The following PRR5 variants were observed in gnomAD, a reference collection of about 807,000 sequenced individuals.
The protein encoded by PRR5 is proline rich 5, also known as proline-rich protein 5.
Under a neutral mutation model 30.6 loss-of-function variants are expected in PRR5, and 25 were observed. The observed-to-expected ratio is 0.82, with a 90% CI of 0.60 to 1.14. PRR5 has a LOEUF of 1.14. PRR5 is among the 50% of genes most tolerant of loss of function. The probability of loss-of-function intolerance (pLI) is 0.00; values close to 1 mark genes in which losing one functional copy is unlikely to be tolerated. For synonymous variants in PRR5, 286 were observed against 247.1 expected, an observed-to-expected ratio of 1.16 and a Z score of -1.48; for missense variants, 600 against 547.1, an observed-to-expected ratio of 1.10 and a Z score of -0.96.
intron 1 of PRR5, chr22:44,679,892 C>T (rs1158946501): frequency 2.5e-6 from 4 of 1,572,492 alleles, no homozygotes; most frequent in South Asian, 1.2e-5. Context: ...ACAGGTGCCA[C>T]TGTGCCGAAG....
chr22:44,707,450 CT>C (rs1927405739), intron 1 of PRR5, among the ~76,000 whole-genome samples: 1 of 152,218 alleles, frequency 6.6e-6, no homozygotes. Context: ...TGACCCCTGA[CT>C]AGGCCCCAGC....
chr22:44,686,367 C>T (rs1280306751), intron 1 of PRR5, among the ~76,000 whole-genome samples: 1 of 152,034 alleles, frequency 6.6e-6, no homozygotes, highest in Non-Finnish European at 1.5e-5. Context: ...GACAGGGACT[C>T]GCTCTGTCGC....
intron 1 of PRR5, among the ~76,000 whole-genome samples, chr22:44,692,555 C>T (rs957004457): frequency 2.2e-5 from 3 of 136,824 alleles, no homozygotes; most frequent in Non-Finnish European, 4.8e-5. Flanking sequence ...CTCCACCTGG[C>T]ACTCCTCCAC....
In PRR5 at chr22:44,724,543, G is replaced by A. The variant is rs138271887; in HGVS notation, c.216-701G>A. 4.5e-3 allele frequency among the ~76,000 whole-genome samples: 690 copies of A among 152,338 alleles called. 21 individuals carry two copies. In the South Asian group the frequency reaches 0.071, roughly 16 times the overall value. On this transcript the variant is annotated intron_variant, in intron 2 of 7. Coordinates refer to ENST00000336985, the MANE Select transcript of PRR5 (RefSeq NM_181333.4). The stretch of plus-strand genomic sequence containing the variant: ...GGGAGGTCATATCTGGGGCCTCAGC[G>A]CTGACAGTGCCTGTGTACTTTCAGC...
intron 1 of PRR5, among the ~76,000 whole-genome samples, chr22:44,703,179 G>A (rs1926632394): frequency 6.6e-6 from 1 of 152,200 alleles, no homozygotes; most frequent in Non-Finnish European, 1.5e-5. Context: ...GGCCTGGGAA[G>A]CCCCTTCTCC....
Position 44,702,528 on chromosome 22 carries a change from G to A in PRR5, c.54G>A (p.Leu18=). 1 of 1,465,352 alleles carries A rather than the reference G, an allele frequency of 6.8e-7. No homozygotes were observed. The highest frequency in any genetic ancestry group is 2.1e-4 in the Middle Eastern group (1 of 4,664). The allele number at this position is 1,465,352 out of a possible 1,614,324, so 90.8% of individuals were successfully genotyped here. A position where few individuals can be genotyped will look rare whatever the true frequency, so the allele number is the denominator to read the frequency against. Residue 18 remains leucine, a synonymous_variant, in exon 1 of 8, where the codon CTG becomes CTA. Transcript: ENST00000336985. ...KFMSSPSLSD[L]GKREPAAAAD... is the part of the protein sequence containing the mutation. ...TGAGTTCGCCCAGCCTCAGTGACCT[G>A]GGCAAGAGAGAGCCGGCCGCCGCCG...
At chr22:44,678,080 G>A (rs969789497) in intron 1 of PRR5, among the ~76,000 whole-genome samples, 5 of 152,176 alleles carry the variant, frequency 3.3e-5, no homozygotes, top group Admixed American at 1.3e-4. Context: ...AGAGTCACGC[G>A]TGCAGCAGCT....
At chr22:44,735,491 G>A (rs761554898) in intron 7 of PRR5, among the ~76,000 whole-genome samples, 3 of 152,336 alleles carry the variant, frequency 2.0e-5, no homozygotes, top group Non-Finnish European at 4.4e-5. Flanking sequence ...CGAAGCTTGA[G>A]GACTCCTGGC....
chr22:44,718,391 C>T (rs1249504609), intron 2 of PRR5, among the ~76,000 whole-genome samples: 6 of 151,526 alleles, frequency 4.0e-5, no homozygotes, highest in Non-Finnish European at 7.4e-5. Context: ...GACAGGGTTT[C>T]ACCATGTTGG....
At chr22:44,698,530 C>A (rs1310016063), upstream of PRR5, among the ~76,000 whole-genome samples, 3 of 152,168 alleles carry the variant, frequency 2.0e-5, no homozygotes, top group African/African-American at 7.2e-5. Flanking sequence ...GCCCAGGGTA[C>A]CCCGCCACAA....
intron 1 of PRR5, among the ~76,000 whole-genome samples, chr22:44,678,295 G>A (rs1011164946): frequency 1.6e-4 from 24 of 148,082 alleles, no homozygotes; most frequent in Non-Finnish European, 2.8e-4. Context: ...TTTTTTTGTC[G>A]TCCTTCACCT....
chr22:44,678,130 C>T (rs928493669), intron 1 of PRR5, among the ~76,000 whole-genome samples: 1 of 152,150 alleles, frequency 6.6e-6, no homozygotes, highest in East Asian at 1.9e-4. Flanking sequence ...TTGATGGGAA[C>T]CCTGTGGATG....
intron 2 of PRR5, among the ~76,000 whole-genome samples, chr22:44,721,025 C>T (rs1929854233): frequency 6.6e-6 from 1 of 152,160 alleles, no homozygotes; most frequent in South Asian, 2.1e-4. Flanking sequence ...TTCACACCCG[C>T]ACTCATCATG....
upstream of PRR5, among the ~76,000 whole-genome samples, chr22:44,697,615 AG>A (rs1925876116): frequency 6.6e-6 from 1 of 152,036 alleles, no homozygotes; most frequent in Non-Finnish European, 1.5e-5. Flanking sequence ...CCTCCAGAGC[AG>A]GCAGTGCCTA....
rs572207861 is a variant in PRR5, at chr22:44,731,595, C to G, written c.323-135C>G. 3 of 782,110 alleles carry G rather than the reference C, an allele frequency of 3.8e-6. No homozygotes were observed. The Admixed American group carries it at 6.2e-5, about 16-fold the overall frequency. 48.4% of individuals were successfully genotyped at this position (782,110 alleles called of 1,614,324 possible). On this transcript the variant is annotated intron_variant, in intron 4 of 7. Transcript: ENST00000336985. ...ACAGCTGAGCTGTGGAGCTGGACATCGACCTTGGGCAGGTGCTGCCAGGGG... is the reference window on the plus strand; with the variant it reads ...ACAGCTGAGCTGTGGAGCTGGACATGGACCTTGGGCAGGTGCTGCCAGGGG...
At chr22:44,734,270 C>CAA in intron 6 of PRR5, 1 of 147,456 alleles carries the variant, frequency 6.8e-6, no homozygotes, top group Non-Finnish European at 1.5e-5. Flanking sequence ...AACTCTGTCT[C>CAA]AAAAAAAAAA....
rs1923467378 is a variant in PRR5 at position 44,737,316 on chromosome 22, TGTGA to T, written c.*75_*78del. On this transcript the variant is annotated 3_prime_UTR_variant, in exon 8 of 8. Coordinates refer to ENST00000336985, the MANE Select transcript of PRR5 (RefSeq NM_181333.4). Reference sequence around the variant, plus strand: ...TGCGGGGGTGTCCATGTGGCGTGTGTGTGAGTGAGACTTTTTTACTGCGTCCCGT... The same window carrying T: ...TGCGGGGGTGTCCATGTGGCGTGTGTGTGAGACTTTTTTACTGCGTCCCGT... 27 of 1,519,804 alleles carry T rather than the reference TGTGA, an allele frequency of 1.8e-5. 1 individual carries two copies. Among genetic ancestry groups the T allele is most frequent in the South Asian group, 1.6e-4 (13 of 79,156 alleles). 94.1% of individuals were successfully genotyped at this position (1,519,804 alleles called of 1,614,324 possible). A position where few individuals can be genotyped will look rare whatever the true frequency, so the allele number is the denominator to read the frequency against.
rs1420970507 is a variant in PRR5, at chr22:44,722,027, G to C, written c.216-3217G>C. On this transcript the variant is annotated intron_variant, in intron 2 of 7. Transcript: ENST00000336985. ...CAGCTTGGTCCTTGGCGGACCAGAGGACAGGTCACGGGGACAGTGGGAGAA... is the reference window on the plus strand; with the variant it reads ...CAGCTTGGTCCTTGGCGGACCAGAGCACAGGTCACGGGGACAGTGGGAGAA... Among the ~76,000 whole-genome samples, 4 of 152,230 alleles carry C rather than the reference G, an allele frequency of 2.6e-5. No homozygotes were observed. The East Asian group carries it at 7.7e-4, about 29-fold the overall frequency.
At position 44,736,783 on chromosome 22, in the gene PRR5, C is replaced by G. The variant is rs767369731; in HGVS notation, c.703C>G (p.Leu235Val). Residue 235 changes from leucine to valine, a missense_variant, in exon 8 of 8, where the codon CTC becomes GTC. Transcript: ENST00000336985. ...GTGTCTCTCCCCAGAAAAGCGCCTCCTCCGCCGCTCCCGCTCGGGGGACGT... is the reference window on the plus strand; with the variant it reads ...GTGTCTCTCCCCAGAAAAGCGCCTCGTCCGCCGCTCCCGCTCGGGGGACGT... Reference protein sequence around the residue: ...THSCILEKRLLRRSRSGDVLA... With the variant: ...THSCILEKRLVRRSRSGDVLA... 60 of 1,547,292 alleles carry G rather than the reference C, an allele frequency of 3.9e-5. No individual in the cohort carries two copies. The highest frequency in any genetic ancestry group is 5.3e-5 in the Non-Finnish European group (60 of 1,142,490).
Sources: gnomAD v4.1 joint callset for allele counts (sites outside exome capture counted in the v4.1 genomes callset) on GRCh38, gnomAD v4.1.1 for gene constraint, MANE v1.5 for transcripts, NCBI Gene and HGNC (gene_info 2026-07-23, HGNC 2026-07-21) for gene names.